Variants in HDAC8 observed in about 807,000 individuals in gnomAD.
HDAC8 encodes histone deacetylase-like 1.
In HDAC8, 1 loss-of-function variant was observed where a neutral mutation model predicts 32.2. The ratio of observed to expected loss-of-function variants is 0.03; its 90% CI spans 0.01 to 0.15. The LOEUF is 0.15. Among genes scored for constraint, HDAC8 ranks in the 10% least tolerant of loss-of-function variants. HDAC8 has a pLI of 1.00. For synonymous variants in HDAC8, 108 were observed against 113.9 expected, an observed-to-expected ratio of 0.95 and a Z score of 0.33; for missense variants, 117 against 300.0, an observed-to-expected ratio of 0.39 and a Z score of 4.51.
intron 4 of HDAC8, among the ~76,000 whole-genome samples, chrX:72,555,437 C>G (rs1556090354): frequency 9.0e-6 from 1 of 111,490 alleles, no homozygotes; most frequent in African/African-American, 3.3e-5. Flanking sequence ...TTCAGAAGGT[C>G]GATTATTAAG....
At chrX:72,488,530 C>A (rs2048756146) in intron 7 of HDAC8, among the ~76,000 whole-genome samples, 1 of 111,925 alleles carries the variant, frequency 8.9e-6, no homozygotes, top group South Asian at 3.7e-4. Flanking sequence ...AGTCAATTCT[C>A]TAATATTTAC....
chrX:72,538,491 T>A (rs1325169002), intron 4 of HDAC8, among the ~76,000 whole-genome samples: 1 of 111,675 alleles, frequency 9.0e-6, no homozygotes, highest in African/African-American at 3.3e-5. Flanking sequence ...GTCCCTTGGT[T>A]CTTATATTTA....
chrX:72,440,815 G>A (rs1316252301), intron 9 of HDAC8, among the ~76,000 whole-genome samples: 5 of 112,092 alleles, frequency 4.5e-5, no homozygotes, highest in African/African-American at 1.6e-4. Flanking sequence ...CTGGAAAATC[G>A]GGTCATTCCC....
chrX:72,383,848 T>C (rs1411953401), intron 9 of HDAC8, among the ~76,000 whole-genome samples: 6 of 85,857 alleles, frequency 7.0e-5, no homozygotes, highest in African/African-American at 1.9e-4. Flanking sequence ...CCAGCCTGGG[T>C]GACAGAGTGA....
intron 9 of HDAC8, among the ~76,000 whole-genome samples, chrX:72,369,288 CT>C (rs782643652): frequency 9.0e-6 from 1 of 111,416 alleles, no homozygotes; most frequent in East Asian, 2.8e-4. Flanking sequence ...ATCATAGCTT[CT>C]AGTTCTTTTT....
At chrX:72,339,693 G>A (rs1175889872) in intron 10 of HDAC8, among the ~76,000 whole-genome samples, 2 of 111,976 alleles carry the variant, frequency 1.8e-5, no homozygotes, top group African/African-American at 6.5e-5. Context: ...TTGTCAGGGA[G>A]CAGGGGATCT....
At chrX:72,534,878 G>A (rs987438010) in intron 4 of HDAC8, among the ~76,000 whole-genome samples, 1 of 111,701 alleles carries the variant, frequency 9.0e-6, no homozygotes, top group Non-Finnish European at 1.9e-5. Flanking sequence ...TACATTTTGG[G>A]TGTTTAACTG....
chrX:72,434,266 T>C (rs1241558757), intron 9 of HDAC8, among the ~76,000 whole-genome samples: 1 of 111,370 alleles, frequency 9.0e-6, no homozygotes, highest in African/African-American at 3.3e-5. Flanking sequence ...CTTCCCAGGG[T>C]TGCTGACAGA....
chrX:72,411,685 GAAGA>G (rs1422679396), intron 9 of HDAC8, among the ~76,000 whole-genome samples: 1 of 112,264 alleles, frequency 8.9e-6, no homozygotes, highest in Non-Finnish European at 1.9e-5. Context: ...ATGGAGTAAT[GAAGA>G]AAGAGAAGGA....
At chrX:72,443,292 T>A (rs868921328) in intron 9 of HDAC8, among the ~76,000 whole-genome samples, 2 of 82,842 alleles carry the variant, frequency 2.4e-5, no homozygotes, top group East Asian at 3.8e-4. Flanking sequence ...GAAGTAAAGC[T>A]CTCCTCAGCA....
chrX:72,402,522 T>C (rs1231412663), intron 9 of HDAC8, among the ~76,000 whole-genome samples: 2 of 109,856 alleles, frequency 1.8e-5, no homozygotes, highest in Non-Finnish European at 3.8e-5. Flanking sequence ...AGCACTGCTT[T>C]AGCTGCTTCT....
At chrX:72,560,113 G>A (rs1436103673) in intron 4 of HDAC8, among the ~76,000 whole-genome samples, 5 of 112,511 alleles carry the variant, frequency 4.4e-5, no homozygotes, top group African/African-American at 6.5e-5. Context: ...CGGTTTTGTC[G>A]ACTAGAAAAG....
At chrX:72,330,293 C>A (rs186054127) in intron 10 of HDAC8, among the ~76,000 whole-genome samples, 2 of 111,525 alleles carry the variant, frequency 1.8e-5, no homozygotes, top group Non-Finnish European at 3.8e-5. Context: ...CAACCACCAG[C>A]CAATTACTGG....
chrX:72,416,408 GTTTTTTTTTTTTTTTTTT>G (rs549411405), intron 9 of HDAC8, among the ~76,000 whole-genome samples: 88 of 3,696 alleles, frequency 0.024, 2 homozygotes, highest in Middle Eastern at 0.17. Flanking sequence ...TGTCTTCTCT[GTTTTTTTTTTTTTTTTTT>G]TTTTTTTTTT....
chrX:72,392,458 A>G (rs1298556560), intron 9 of HDAC8, among the ~76,000 whole-genome samples: 7 of 110,423 alleles, frequency 6.3e-5, no homozygotes, highest in Admixed American at 9.6e-5. Flanking sequence ...TCCAACTAAA[A>G]TCTGTACTCC....
intron 5 of HDAC8, among the ~76,000 whole-genome samples, chrX:72,492,765 T>C (rs1348967681): frequency 8.9e-6 from 1 of 111,775 alleles, no homozygotes; most frequent in Non-Finnish European, 1.9e-5. Context: ...TTGATTGTAT[T>C]CTTAAACTCC....
chrX:72,484,013 G>C (rs1390553767), intron 7 of HDAC8, among the ~76,000 whole-genome samples: 1 of 111,948 alleles, frequency 8.9e-6, no homozygotes, highest in Non-Finnish European at 1.9e-5. Flanking sequence ...CAGAAAAGTA[G>C]TTAAAGAGCT....
chrX:72,507,654 C>T lies in HDAC8; in HGVS notation c.438-12386G>A, dbSNP rs190581290. On this transcript the variant is annotated intron_variant, in intron 4 of 10. Transcript: ENST00000373573. ...GCTGGTCCTCATTAATAAATATTCC[C>T]CCTATTGCAATACCTGAATAAAATC... Among the ~76,000 whole-genome samples the T allele has an allele frequency of 6.2e-4, 69 of 111,886 alleles. No homozygotes were observed. In the South Asian group the frequency reaches 6.4e-3, roughly 10 times the overall value.
At chrX:72,390,056 G>C (rs782669594) in intron 9 of HDAC8, among the ~76,000 whole-genome samples, 13 of 110,742 alleles carry the variant, frequency 1.2e-4, no homozygotes, top group Non-Finnish European at 2.3e-4. Context: ...TGGGTATATA[G>C]CACATACACA....
Sources: allele counts gnomAD v4.1 joint callset (sites outside exome capture counted in the v4.1 genomes callset), GRCh38; gene constraint gnomAD v4.1.1; transcripts MANE v1.5; gene names NCBI Gene and HGNC (gene_info 2026-07-23, HGNC 2026-07-21).